The following MAP4K4 variants were observed in gnomAD, a reference collection of about 807,000 sequenced individuals.
MAP4K4 encodes mitogen-activated protein kinase kinase kinase kinase 4, also known as HPK/GCK-like kinase HGK.
A neutral mutation model predicts 189.6 loss-of-function variants in MAP4K4; 38 were observed. That is an observed-to-expected ratio of 0.20 (90% confidence interval 0.15 to 0.26). The LOEUF (loss-of-function observed/expected upper bound fraction) is 0.26. MAP4K4 is among the 10% of genes least tolerant of loss of function. The pLI, the probability that MAP4K4 is intolerant of heterozygous loss-of-function variation, is 1.00. For synonymous variants in MAP4K4, 610 were observed against 624.3 expected, an observed-to-expected ratio of 0.98 and a Z score of 0.34; for missense variants, 1,054 against 1,726.9, an observed-to-expected ratio of 0.61 and a Z score of 6.91.
At chr2:101,708,650 A>C (rs1335604465) in intron 2 of MAP4K4, among the ~76,000 whole-genome samples, 2 of 152,156 alleles carry the variant, frequency 1.3e-5, no homozygotes, top group African/African-American at 4.8e-5. Flanking sequence ...AATTAACCCA[A>C]TTCAAGCTTA....
chr2:101,793,247 T>C (rs2093227068), intron 3 of MAP4K4, among the ~76,000 whole-genome samples: 1 of 152,232 alleles, frequency 6.6e-6, no homozygotes, highest in Non-Finnish European at 1.5e-5. Context: ...TTTACCATAT[T>C]GTCCATGTTT....
At chr2:101,754,346 T>G (rs1197117605) in intron 2 of MAP4K4, among the ~76,000 whole-genome samples, 4 of 14,566 alleles carry the variant, frequency 2.7e-4, no homozygotes, top group African/African-American at 8.8e-4. Flanking sequence ...TTGCTGTTTT[T>G]TTTTTTTTTT....
exon 2 of MAP4K4, chr2:101,698,512 A>C: frequency 6.2e-7 from 1 of 1,613,836 alleles, no homozygotes; most frequent in Non-Finnish European, 8.5e-7. Flanking sequence ...AGTGGTTGGA[A>C]ATGGCACCTA....
chr2:101,779,035 T>C (rs923075958), intron 2 of MAP4K4, among the ~76,000 whole-genome samples: 1 of 152,180 alleles, frequency 6.6e-6, no homozygotes, highest in Non-Finnish European at 1.5e-5. Context: ...TTGGTTGCAA[T>C]GACTTGCTGT....
At chr2:101,707,693 GTTTTTTTTT>G (rs1328796064) in intron 2 of MAP4K4, among the ~76,000 whole-genome samples, 2 of 67,488 alleles carry the variant, frequency 3.0e-5, no homozygotes, top group Non-Finnish European at 7.5e-5. Flanking sequence ...TTTTTTTTTT[GTTTTTTTTT>G]TTTTTTGAGA....
At chr2:101,745,417 A>G (rs1228681059) in intron 2 of MAP4K4, among the ~76,000 whole-genome samples, 1 of 124,684 alleles carries the variant, frequency 8.0e-6, no homozygotes, top group African/African-American at 3.4e-5. Context: ...TCCTACATAC[A>G]ATTCAAGATT....
intron 2 of MAP4K4, among the ~76,000 whole-genome samples, chr2:101,773,016 A>T (rs910121477): frequency 2.0e-5 from 3 of 152,156 alleles, no homozygotes; most frequent in Admixed American, 2.0e-4. Context: ...CCATCTTCAC[A>T]TTGGTGTAGG....
At chr2:101,818,298 A>C (rs1484593355) in intron 3 of MAP4K4, among the ~76,000 whole-genome samples, 2 of 152,212 alleles carry the variant, frequency 1.3e-5, no homozygotes, top group African/African-American at 4.8e-5. Context: ...GAAGTCTTCC[A>C]GAGATATTTG....
At chr2:101,859,777 G>GCCA in exon 15 of MAP4K4, 1 of 1,610,186 alleles carries the variant, frequency 6.2e-7, no homozygotes, top group Non-Finnish European at 8.5e-7. Context: ...CGCAGCAGCC[G>GCCA]CCACCACCGC....
intron 5 of MAP4K4, among the ~76,000 whole-genome samples, chr2:101,826,169 A>C: frequency 6.6e-6 from 1 of 152,230 alleles, no homozygotes; most frequent in East Asian, 1.9e-4. Flanking sequence ...CATTTAAAAA[A>C]AAAGATTATG....
At chr2:101,838,300 G>A (rs1232922968) in intron 9 of MAP4K4, among the ~76,000 whole-genome samples, 1 of 152,156 alleles carries the variant, frequency 6.6e-6, no homozygotes, top group Non-Finnish European at 1.5e-5. Flanking sequence ...TGGACATTGG[G>A]TCTTAGAACT....
intron 2 of MAP4K4, among the ~76,000 whole-genome samples, chr2:101,720,004 C>G (rs941253072): frequency 2.0e-5 from 3 of 151,556 alleles, no homozygotes; most frequent in African/African-American, 7.3e-5. Flanking sequence ...AAGAGTGAGA[C>G]TAGGTCTCAA....
chr2:101,718,002 A>G (rs1369495150), intron 2 of MAP4K4, among the ~76,000 whole-genome samples: 1 of 151,990 alleles, frequency 6.6e-6, no homozygotes, highest in East Asian at 1.9e-4. Flanking sequence ...TATGCCTGTA[A>G]TCCCAGCACT....
At chr2:101,748,654 A>C (rs989463575) in intron 2 of MAP4K4, among the ~76,000 whole-genome samples, 2 of 152,176 alleles carry the variant, frequency 1.3e-5, no homozygotes, top group Admixed American at 6.5e-5. Flanking sequence ...ACAAAAATAC[A>C]AAAGTTAGCT....
At chr2:101,712,258 G>T (rs1228599510) in intron 2 of MAP4K4, among the ~76,000 whole-genome samples, 1 of 151,788 alleles carries the variant, frequency 6.6e-6, no homozygotes, top group African/African-American at 2.4e-5. Context: ...ACAGTGGTGC[G>T]ATCTCGGCTC....
At chr2:101,791,510 C>T (rs1258681520) in intron 3 of MAP4K4, among the ~76,000 whole-genome samples, 1 of 152,052 alleles carries the variant, frequency 6.6e-6, no homozygotes, top group Admixed American at 6.5e-5. Context: ...TTACTTTATG[C>T]TCATGTTTGC....
intron 2 of MAP4K4, among the ~76,000 whole-genome samples, chr2:101,742,323 A>G (rs1365301488): frequency 6.6e-6 from 1 of 152,182 alleles, no homozygotes; most frequent in Non-Finnish European, 1.5e-5. Context: ...CTGAAAGCTC[A>G]TTGGTAACCT....
rs1423650169 is a variant in MAP4K4, at chr2:101,698,145, G to A, written c.57+8G>A. On this transcript the variant is annotated splice_region_variant and intron_variant, in intron 1 of 32. Transcript: ENST00000324219. ...GACCTCTCCTCCCTGCGGGTGAGTG[G>A]GCCCGCGAGCGGGCGCGCGGGGAGC... 3.3e-6 allele frequency: 4 copies of A among 1,210,930 alleles called. No individual in the cohort carries two copies. Among genetic ancestry groups the A allele is most frequent in the Non-Finnish European group, 4.3e-6 (4 of 937,692 alleles). The allele number at this position is 1,210,930 out of a possible 1,614,324, so 75.0% of individuals were successfully genotyped here.
At chr2:101,775,305 G>T (rs1037822620) in intron 2 of MAP4K4, among the ~76,000 whole-genome samples, 4 of 151,302 alleles carry the variant, frequency 2.6e-5, no homozygotes, top group African/African-American at 9.7e-5. Context: ...TCAGCTCTTA[G>T]GTCATATTTA....
Sources: gnomAD v4.1 joint callset for allele counts (sites outside exome capture counted in the v4.1 genomes callset) on GRCh38, gnomAD v4.1.1 for gene constraint, MANE v1.5 for transcripts, NCBI Gene and HGNC (gene_info 2026-07-23, HGNC 2026-07-21) for gene names.